The following ERC2 variants were observed in gnomAD, a reference collection of about 807,000 sequenced individuals.
ERC2 encodes the protein ERC protein 2.
Under a neutral mutation model 114.8 loss-of-function variants are expected in ERC2, and 42 were observed. The observed-to-expected ratio is 0.37, with a 90% confidence interval of 0.29 to 0.47. ERC2 has a LOEUF of 0.47. Ranked by LOEUF, ERC2 falls within the 20% of genes least tolerant of loss-of-function variation. The probability of loss-of-function intolerance (pLI) is 0.99; values close to 1 mark genes in which losing one functional copy is unlikely to be tolerated. For missense variants in ERC2, 939 were observed against 1,150.7 expected (o/e 0.82, Z 2.66); for synonymous variants, 454 against 425.5 (o/e 1.07, Z -0.82).
chr3:55,612,032 T>G (rs1575766819), intron 17 of ERC2, among the ~76,000 whole-genome samples: 1 of 152,110 alleles, frequency 6.6e-6, no homozygotes, highest in African/African-American at 2.4e-5. Flanking sequence ...GGCTAAGCAA[T>G]CCCATCCCAG....
Position 55,992,172 on chromosome 3 carries a change from A to C in ERC2, c.2140T>G (p.Tyr714Asp). The C allele has an allele frequency of 6.2e-7, 1 of 1,613,920 alleles. No individual in the cohort carries two copies. The highest frequency in any genetic ancestry group is 2.2e-5 in the East Asian group (1 of 44,878). The change falls in exon 11 of 18, where the codon TAC (tyrosine) becomes GAC (aspartate). Residue 714 changes from tyrosine to aspartate, a missense_variant. Physicochemically the swap from Tyr to Asp is radical, Grantham distance 160. Transcript: ENST00000288221. ...GCCTTGCCACACTCGTCGCGGTAGT[A>C]AGACGCCTCTTTATCGAGCTGTTTT... ...QIKQLDKEASYYRDECGKAQA... is the reference protein window; with the variant it reads ...QIKQLDKEASDYRDECGKAQA...
chr3:56,321,281 T>A (rs966099688), intron 2 of ERC2, among the ~76,000 whole-genome samples: 10 of 152,094 alleles, frequency 6.6e-5, no homozygotes, highest in Non-Finnish European at 4.4e-5. Context: ...ATTTTAAGGA[T>A]AACAGCTGAA....
At chr3:56,204,973 T>C (rs2048634244) in intron 3 of ERC2, among the ~76,000 whole-genome samples, 2 of 151,962 alleles carry the variant, frequency 1.3e-5, no homozygotes, top group Admixed American at 6.6e-5. Flanking sequence ...TGTCTCATTA[T>C]AAAGCCACAT....
At chr3:55,950,631 G>T in intron 12 of ERC2, 71 bp from the exon 13 acceptor site, 1 of 1,555,406 alleles carries the variant, frequency 6.4e-7, no homozygotes. Context: ...AATAGATTCA[G>T]GAAGTACTAA....
chr3:56,111,085 CCAT>C (rs1560190173), intron 6 of ERC2, among the ~76,000 whole-genome samples: 1 of 152,056 alleles, frequency 6.6e-6, no homozygotes, highest in Non-Finnish European at 1.5e-5. Flanking sequence ...CTCTACATTC[CCAT>C]TATAGACCCC....
intron 3 of ERC2, among the ~76,000 whole-genome samples, chr3:56,262,262 C>T (rs776025605): frequency 3.9e-5 from 6 of 152,206 alleles, no homozygotes; most frequent in Non-Finnish European, 8.8e-5. Flanking sequence ...AGAGCAGGGG[C>T]CACATCATCC....
intron 5 of ERC2, among the ~76,000 whole-genome samples, chr3:56,141,354 T>C (rs370589179): frequency 2.0e-5 from 3 of 152,308 alleles, no homozygotes; most frequent in African/African-American, 7.2e-5. Context: ...GTTATAGCCC[T>C]AGCCTACAGG....
At chr3:55,789,416 G>A (rs1256244776) in intron 14 of ERC2, among the ~76,000 whole-genome samples, 1 of 152,182 alleles carries the variant, frequency 6.6e-6, no homozygotes, top group African/African-American at 2.4e-5. Flanking sequence ...TACTCCATGA[G>A]ATTTACACAG....
At chr3:56,426,955 A>G (rs1314100860) in intron 2 of ERC2, among the ~76,000 whole-genome samples, 1 of 147,330 alleles carries the variant, frequency 6.8e-6, no homozygotes, top group Non-Finnish European at 1.5e-5. Flanking sequence ...TGAGCCCAGG[A>G]GTTCAAGACC....
At chr3:56,212,304 A>T (rs2049114834) in intron 3 of ERC2, among the ~76,000 whole-genome samples, 1 of 152,214 alleles carries the variant, frequency 6.6e-6, no homozygotes, top group South Asian at 2.1e-4. Flanking sequence ...ACATGAACAG[A>T]CTATTTTCAA....
chr3:56,204,475 G>T (rs1194007456), intron 3 of ERC2, among the ~76,000 whole-genome samples: 2 of 33,690 alleles, frequency 5.9e-5, no homozygotes, highest in African/African-American at 1.6e-4. Flanking sequence ...TTAATTAGAT[G>T]CTTTTATTTT....
chr3:56,148,027 T>A (rs943488389), intron 5 of ERC2, among the ~76,000 whole-genome samples: 1 of 152,108 alleles, frequency 6.6e-6, no homozygotes, highest in African/African-American at 2.4e-5. Flanking sequence ...TAGCAATAGA[T>A]AACAATAATA....
At chr3:55,740,964 C>T (rs888793513) in intron 14 of ERC2, among the ~76,000 whole-genome samples, 2 of 152,068 alleles carry the variant, frequency 1.3e-5, no homozygotes, top group Admixed American at 1.3e-4. Context: ...AAGTGTAATA[C>T]AAATATTCCA....
At chr3:55,664,709 C>G (rs893894105) in intron 17 of ERC2, among the ~76,000 whole-genome samples, 1 of 152,176 alleles carries the variant, frequency 6.6e-6, no homozygotes, top group Non-Finnish European at 1.5e-5. Flanking sequence ...GCCTACATAC[C>G]GCGGCCCAGA....
intron 3 of ERC2, among the ~76,000 whole-genome samples, chr3:56,274,494 T>G (rs1410581908): frequency 7.5e-6 from 1 of 133,060 alleles, no homozygotes; most frequent in African/African-American, 2.6e-5. Context: ...GAAACCTGTA[T>G]TTTCAATCTG....
intron 17 of ERC2, among the ~76,000 whole-genome samples, chr3:55,572,471 AC>A (rs2056767680): frequency 6.6e-6 from 1 of 152,222 alleles, no homozygotes; most frequent in African/African-American, 2.4e-5. Context: ...TGCTTAAATA[AC>A]ACCAGGGGCC....
chr3:55,952,358 A>G, intron 12 of ERC2, among the ~76,000 whole-genome samples: 1 of 151,766 alleles, frequency 6.6e-6, no homozygotes, highest in South Asian at 2.1e-4. Context: ...ATTTTTGTCC[A>G]ATATTTCTCC....
rs568220200 is a variant in ERC2, at chr3:55,834,889, T to C, written c.2564+53500A>G. On this transcript the variant is annotated intron_variant, in intron 14 of 17. Transcript: ENST00000288221. ...AAGAAGAAAAGAGAGAAGAATCAAA[T>C]AGACGCAATAAAAAATGATCAAGGG... Among the ~76,000 whole-genome samples the C allele has an allele frequency of 2.5e-3, 358 of 145,456 alleles. 3 individuals carry two copies. Among genetic ancestry groups the C allele is most frequent in the African/African-American group, 8.9e-3 (332 of 37,168 alleles).
intron 13 of ERC2, among the ~76,000 whole-genome samples, chr3:55,924,521 G>A (rs1265545459): frequency 6.6e-6 from 1 of 151,990 alleles, no homozygotes; most frequent in East Asian, 1.9e-4. Flanking sequence ...GATTTTTAAA[G>A]CCATTTCTAG....
Sources: gnomAD v4.1 joint callset for allele counts (sites outside exome capture counted in the v4.1 genomes callset) on GRCh38, gnomAD v4.1.1 for gene constraint, MANE v1.5 for transcripts, NCBI Gene and HGNC (gene_info 2026-07-23, HGNC 2026-07-21) for gene names.